DSCAML1: variants seen among roughly 807,000 people sequenced by gnomAD.
DSCAML1 encodes cell adhesion molecule DSCAML1.
In DSCAML1, 38 loss-of-function variants were observed where a neutral mutation model predicts 200.5. That is an observed-to-expected ratio of 0.19 (90% CI 0.15 to 0.25). The LOEUF (loss-of-function observed/expected upper bound fraction) is 0.25, where lower values mean the gene tolerates loss of function less well. DSCAML1 is among the 10% of genes least tolerant of loss of function. The pLI is 1.00. For missense variants in DSCAML1, 2,223 were observed against 2,858.8 expected (o/e 0.78, Z 5.07); for synonymous variants, 1,215 against 1,165.0 (o/e 1.04, Z -0.87).
chr11:117,798,261 G>A (rs1413472889), upstream of DSCAML1, among the ~76,000 whole-genome samples: 1 of 152,240 alleles, frequency 6.6e-6, no homozygotes, highest in Non-Finnish European at 1.5e-5. Flanking sequence ...ACTCTAAGGT[G>A]TGGAGTGCGA....
chr11:117,630,027 T>C (rs2052137426), intron 3 of DSCAML1, among the ~76,000 whole-genome samples: 1 of 152,088 alleles, frequency 6.6e-6, no homozygotes, highest in South Asian at 2.1e-4. Context: ...GGGGAGAAGA[T>C]TGCCTCTTTA....
At chr11:117,496,258 T>C (rs7130068) in intron 11 of DSCAML1, among the ~76,000 whole-genome samples, 15,291 of 152,190 alleles carry the variant, frequency 0.1, 885 homozygotes, top group South Asian at 0.2. Context: ...GGAGGGTGCT[T>C]CAATCTTGCC....
chr11:117,620,252 T>C (rs1007987719), intron 3 of DSCAML1, among the ~76,000 whole-genome samples: 6 of 152,080 alleles, frequency 3.9e-5, no homozygotes, highest in African/African-American at 1.2e-4. Flanking sequence ...AGCTTCCCCA[T>C]ACAAAAGAGA....
At chr11:117,658,382 T>C (rs1051918881) in intron 3 of DSCAML1, among the ~76,000 whole-genome samples, 1 of 152,206 alleles carries the variant, frequency 6.6e-6, no homozygotes, top group Admixed American at 6.5e-5. Context: ...TTTGGGACGA[T>C]GGAGTTCAAC....
intron 3 of DSCAML1, among the ~76,000 whole-genome samples, chr11:117,733,273 G>A (rs191378059): frequency 4.1e-4 from 63 of 152,274 alleles, no homozygotes; most frequent in African/African-American, 1.3e-3. Context: ...TGCTTAGCAC[G>A]TAGTAGCCTC....
At chr11:117,816,632 C>G (rs980252027) in intron 1 of DSCAML1, among the ~76,000 whole-genome samples, 1 of 152,172 alleles carries the variant, frequency 6.6e-6, no homozygotes, top group African/African-American at 2.4e-5. Context: ...TACACCACCC[C>G]CTGCCCTGGG....
At chr11:117,429,782 G>A (rs550665697) in intron 32 of DSCAML1, among the ~76,000 whole-genome samples, 50 of 152,328 alleles carry the variant, frequency 3.3e-4, no homozygotes, top group African/African-American at 1.1e-3. Context: ...CTCTTCCCCC[G>A]GGGAGCTGGG....
chr11:117,539,300 G>C (rs2050222548), intron 3 of DSCAML1, among the ~76,000 whole-genome samples: 1 of 152,078 alleles, frequency 6.6e-6, no homozygotes, highest in African/African-American at 2.4e-5. Context: ...ACTACAACCA[G>C]TTAGACCTTT....
chr11:117,609,035 C>CAAAAA lies in DSCAML1; in HGVS notation c.512-76518_512-76514dup, dbSNP rs58446545. On this transcript the variant is annotated intron_variant, in intron 3 of 32. Transcript: ENST00000651296. ...ACAAACAAACAAACAAACAAACAAA[C>CAAAAA]AAAAAAAACAAAAATTGTCTGGGCA... is the stretch of plus-strand genomic sequence containing the variant. Among the ~76,000 whole-genome samples, 165 of 110,886 alleles carry CAAAAA rather than the reference C, an allele frequency of 1.5e-3. 1 individual carries two copies. Among genetic ancestry groups the CAAAAA allele is most frequent in the African/African-American group, 3.2e-3 (89 of 27,504 alleles). 72.7% of individuals were successfully genotyped at this position (110,886 alleles called of 152,430 possible). A position where few individuals can be genotyped will look rare whatever the true frequency, so the allele number is the denominator to read the frequency against.
At chr11:117,777,558 T>C (rs772144262) in intron 2 of DSCAML1, among the ~76,000 whole-genome samples, 2 of 152,182 alleles carry the variant, frequency 1.3e-5, no homozygotes, top group African/African-American at 2.4e-5. Context: ...GGGACTACGA[T>C]TGTCTCTGAG....
At chr11:117,538,350 C>T (rs1041261864) in intron 3 of DSCAML1, among the ~76,000 whole-genome samples, 1 of 152,222 alleles carries the variant, frequency 6.6e-6, no homozygotes, top group Non-Finnish European at 1.5e-5. Context: ...AAATTAAATA[C>T]TGAGTATGAA....
chr11:117,437,817 A>G lies in DSCAML1; in HGVS notation c.4432+78T>C, dbSNP rs902867557. The G allele has an allele frequency of 7.0e-7, 1 of 1,429,996 alleles. No individual in the cohort carries two copies. 88.6% of individuals were successfully genotyped at this position (1,429,996 alleles called of 1,614,324 possible). On this transcript the variant is annotated intron_variant, in intron 25 of 32. Transcript: ENST00000651296. This position sits in a 1 kb window ranked among gnomAD's most constrained non-coding sequence, Gnocchi z 5.3. ...CCTCCTTCCCCACCCCAGCCACCTTACACCCCATACCTGGCCCCTCTAGCC... is the reference window on the plus strand; with the variant it reads ...CCTCCTTCCCCACCCCAGCCACCTTGCACCCCATACCTGGCCCCTCTAGCC...
Position 117,743,193 on chromosome 11 carries a change from A to C in DSCAML1, c.511+33598T>G, listed in dbSNP as rs547118056. Among the ~76,000 whole-genome samples the C allele has an allele frequency of 2.0e-5, 3 of 152,336 alleles. No homozygotes were observed. The South Asian group carries it at 6.2e-4, about 32-fold the overall frequency. ...AGAGAAGTCAATAAGCAGTGACAGC[A>C]TGGTCTTACATAGCACAGACGAGGA... On this transcript the variant is annotated intron_variant, in intron 3 of 32. Transcript: ENST00000651296.
At chr11:117,647,949 G>A (rs1373368821) in intron 3 of DSCAML1, among the ~76,000 whole-genome samples, 1 of 152,142 alleles carries the variant, frequency 6.6e-6, no homozygotes, top group Non-Finnish European at 1.5e-5. Context: ...GGCACGATGG[G>A]GCTTCTGGTC....
intron 15 of DSCAML1, among the ~76,000 whole-genome samples, chr11:117,470,996 A>T (rs558854416): frequency 6.6e-6 from 1 of 152,236 alleles, no homozygotes; most frequent in Non-Finnish European, 1.5e-5. Context: ...AATGAAAATT[A>T]GTATCACAAA....
At chr11:117,591,089 A>ATAATATTT (rs2051249742) in intron 3 of DSCAML1, among the ~76,000 whole-genome samples, 1 of 152,362 alleles carries the variant, frequency 6.6e-6, no homozygotes, top group South Asian at 2.1e-4. Context: ...TATTTTGAGA[A>ATAATATTT]TGGAAATCAA....
chr11:117,717,622 C>T (rs1252225990), intron 3 of DSCAML1, among the ~76,000 whole-genome samples: 5 of 152,198 alleles, frequency 3.3e-5, no homozygotes, highest in African/African-American at 1.2e-4. Flanking sequence ...GACTTCCTGG[C>T]GCCATGCCGT....
intron 3 of DSCAML1, among the ~76,000 whole-genome samples, chr11:117,772,008 A>C (rs1435388406): frequency 1.3e-5 from 2 of 152,102 alleles, no homozygotes; most frequent in Non-Finnish European, 2.9e-5. Flanking sequence ...CGCAAGACAG[A>C]ATGAAGGCAG....
intron 3 of DSCAML1, among the ~76,000 whole-genome samples, chr11:117,549,144 C>T (rs547634031): frequency 2.0e-5 from 3 of 152,296 alleles, no homozygotes; most frequent in Admixed American, 6.5e-5. Flanking sequence ...CTTCCCACTC[C>T]GGGGGTCTAC....
Sources: allele counts gnomAD v4.1 joint callset (sites outside exome capture counted in the v4.1 genomes callset), GRCh38; gene constraint gnomAD v4.1.1; non-coding constraint Gnocchi (gnomAD v3.1); transcripts MANE v1.5; gene names NCBI Gene and HGNC (gene_info 2026-07-23, HGNC 2026-07-21).